GRIA2: variants seen among roughly 807,000 people sequenced by gnomAD.
GRIA2 encodes glutamate receptor 2.
A neutral mutation model predicts 97.3 loss-of-function variants in GRIA2; 14 were observed. That is an observed-to-expected ratio of 0.14 (90% CI 0.10 to 0.23). The LOEUF (loss-of-function observed/expected upper bound fraction) is 0.23, where lower values mean the gene tolerates loss of function less well. Among genes scored for constraint, GRIA2 ranks in the 10% least tolerant of loss-of-function variants. The pLI is 1.00. For synonymous variants in GRIA2, 412 were observed against 387.8 expected, an observed-to-expected ratio of 1.06 and a Z score of -0.73; for missense variants, 558 against 1,069.8, an observed-to-expected ratio of 0.52 and a Z score of 6.67.
chr4:157,327,871 A>C (rs2126920964), intron 6 of GRIA2, among the ~76,000 whole-genome samples: 1 of 152,200 alleles, frequency 6.6e-6, no homozygotes, highest in African/African-American at 2.4e-5. Context: ...TCAGTTCAGT[A>C]ATTAGTGTCA....
rs190470739 is a variant in GRIA2, at chr4:157,290,383, G to A, written c.230-13169G>A. ...CATGAGATGTGCTGAGTAAAAGAAAGGTATACTTACACATACACAAATATA... is the reference window on the plus strand; with the variant it reads ...CATGAGATGTGCTGAGTAAAAGAAAAGTATACTTACACATACACAAATATA... On this transcript the variant is annotated intron_variant, in intron 2 of 15. Coordinates refer to ENST00000264426, the MANE Select transcript of GRIA2 (RefSeq NM_001083619.3). Among the ~76,000 whole-genome samples, 6 of 151,770 alleles carry A rather than the reference G, an allele frequency of 4.0e-5. No homozygotes were observed. The East Asian group carries it at 1.2e-3, about 29-fold the overall frequency.
At chr4:157,350,951 T>C (rs1419756261) in intron 12 of GRIA2, among the ~76,000 whole-genome samples, 1 of 148,700 alleles carries the variant, frequency 6.7e-6, no homozygotes, top group Non-Finnish European at 1.5e-5. Flanking sequence ...TTTTTTTTGC[T>C]CATTGTCCTA....
In GRIA2 at chr4:157,354,977, G is replaced by C. The variant is rs147264687; in HGVS notation, c.2044-4919G>C. Among the ~76,000 whole-genome samples the C allele has an allele frequency of 5.7e-3, 862 of 152,304 alleles. 16 individuals are homozygous for C. The highest frequency in any genetic ancestry group is 0.048 in the Middle Eastern group (14 of 294). ...GAGTTTAATTCTAACTGTGCATGCA[G>C]TGGCTCCAGGGAAGACCCTAACCTT... On this transcript the variant is annotated intron_variant, in intron 12 of 15. Coordinates refer to ENST00000264426, the MANE Select transcript of GRIA2 (RefSeq NM_001083619.3).
intron 2 of GRIA2, among the ~76,000 whole-genome samples, chr4:157,279,404 G>T (rs1732492898): frequency 6.6e-6 from 1 of 152,134 alleles, no homozygotes; most frequent in African/African-American, 2.4e-5. Context: ...AAACTAGGAA[G>T]ACAGTAGAAA....
intron 2 of GRIA2, among the ~76,000 whole-genome samples, chr4:157,265,958 G>A (rs1467187017): frequency 6.6e-6 from 1 of 152,078 alleles, no homozygotes; most frequent in African/African-American, 2.4e-5. Flanking sequence ...AGGGATGAAG[G>A]GAAGTCATAT....
At chr4:157,286,470 G>A (rs937472563) in intron 2 of GRIA2, among the ~76,000 whole-genome samples, 3 of 151,274 alleles carry the variant, frequency 2.0e-5, no homozygotes, top group Admixed American at 1.3e-4. Context: ...AGTTAAAACA[G>A]TATTATGCCC....
At chr4:157,299,759 G>A (rs1193670776) in intron 2 of GRIA2, among the ~76,000 whole-genome samples, 1 of 152,140 alleles carries the variant, frequency 6.6e-6, no homozygotes, top group Non-Finnish European at 1.5e-5. Context: ...CTTTTAGAAG[G>A]ACTTGCCCTT....
intron 2 of GRIA2, among the ~76,000 whole-genome samples, chr4:157,276,080 G>T (rs4428332): frequency 6.6e-6 from 1 of 151,696 alleles, no homozygotes; most frequent in East Asian, 1.9e-4. Flanking sequence ...GGTCCTTCAC[G>T]TCCCTTGTAA....
In GRIA2 at chr4:157,364,101, A is replaced by G. The variant is rs547763254; in HGVS notation, c.*670A>G. ...AAGTGAATAAAAAAAGGCTTTAGGT[A>G]TCGATTCCATATTTTTCAAAGCCAA... On this transcript the variant is annotated 3_prime_UTR_variant, in exon 16 of 16. Coordinates refer to ENST00000264426, the MANE Select transcript of GRIA2 (RefSeq NM_001083619.3). 1 of 152,712 alleles carries G rather than the reference A, an allele frequency of 6.5e-6. No homozygotes were observed. The highest frequency in any genetic ancestry group is 2.1e-4 in the South Asian group (1 of 4,828). The allele number at this position is 152,712 out of a possible 1,614,324, so 9.5% of individuals were successfully genotyped here. A position where few individuals can be genotyped will look rare whatever the true frequency, so the allele number is the denominator to read the frequency against.
chr4:157,245,956 T>C (rs1014952262), intron 2 of GRIA2, among the ~76,000 whole-genome samples: 2 of 152,106 alleles, frequency 1.3e-5, no homozygotes, highest in Non-Finnish European at 2.9e-5. Context: ...ATGTTTCCTC[T>C]GGTTTATTTT....
At chr4:157,223,712 A>AGGTT (rs1281306766) in intron 2 of GRIA2, among the ~76,000 whole-genome samples, 8 of 152,348 alleles carry the variant, frequency 5.3e-5, no homozygotes, top group East Asian at 3.9e-4. Context: ...GGAAGGACAT[A>AGGTT]GGTTTTGAAT....
chr4:157,324,360 A>C (rs1358447223), intron 6 of GRIA2, among the ~76,000 whole-genome samples: 1 of 152,194 alleles, frequency 6.6e-6, no homozygotes, highest in African/African-American at 2.4e-5. Context: ...AATATAAATA[A>C]ATGAAAAATG....
chr4:157,282,657 G>A lies in GRIA2; in HGVS notation c.230-20895G>A, dbSNP rs17184260. Among the ~76,000 whole-genome samples the A allele has an allele frequency of 5.1e-3, 778 of 152,120 alleles. 6 individuals carry two copies. Among genetic ancestry groups the A allele is most frequent in the Middle Eastern group, 0.017 (5 of 294 alleles). On this transcript the variant is annotated intron_variant, in intron 2 of 15. Transcript: ENST00000264426. ...GATAGCTTTATCCTGTGCCAGTTTGGTAGTACTAATTTTGTTTCTGGTAGA... is the reference window on the plus strand; with the variant it reads ...GATAGCTTTATCCTGTGCCAGTTTGATAGTACTAATTTTGTTTCTGGTAGA...
chr4:157,290,658 G>A (rs1357747180), intron 2 of GRIA2, among the ~76,000 whole-genome samples: 1 of 151,758 alleles, frequency 6.6e-6, no homozygotes, highest in Non-Finnish European at 1.5e-5. Flanking sequence ...AAGATCCATT[G>A]TCATCCTTAT....
At chr4:157,353,565 A>G (rs1736115232) in intron 12 of GRIA2, among the ~76,000 whole-genome samples, 1 of 151,808 alleles carries the variant, frequency 6.6e-6, no homozygotes, top group African/African-American at 2.4e-5. Flanking sequence ...AGTCCCAGCT[A>G]CTTGGGAGGC....
intron 2 of GRIA2, among the ~76,000 whole-genome samples, chr4:157,257,571 TATC>T (rs546676838): frequency 2.8e-4 from 43 of 152,230 alleles, no homozygotes; most frequent in Non-Finnish European, 5.4e-4. Flanking sequence ...ATTTCAAAAG[TATC>T]ATTCATCACG....
At chr4:157,343,743 A>T (rs1477495946) in intron 12 of GRIA2, among the ~76,000 whole-genome samples, 2 of 152,112 alleles carry the variant, frequency 1.3e-5, no homozygotes, top group Non-Finnish European at 2.9e-5. Context: ...AGCATGCATC[A>T]CCAAAGAGAA....
chr4:157,349,643 C>T (rs1186437285), intron 12 of GRIA2, among the ~76,000 whole-genome samples: 2 of 151,926 alleles, frequency 1.3e-5, no homozygotes, highest in Non-Finnish European at 1.5e-5. Flanking sequence ...TCCAAAAAAC[C>T]AACTGTGCTG....
chr4:157,336,346 G>T (rs1298076941), intron 10 of GRIA2, 31 bp from the exon 11 acceptor site: 1 of 1,495,648 alleles, frequency 6.7e-7, no homozygotes, highest in Non-Finnish European at 9.0e-7. Context: ...ATGACTCCAG[G>T]TACTATTACT....
Sources: allele counts gnomAD v4.1 joint callset (sites outside exome capture counted in the v4.1 genomes callset), GRCh38; gene constraint gnomAD v4.1.1; transcripts MANE v1.5; gene names NCBI Gene and HGNC (gene_info 2026-07-23, HGNC 2026-07-21).